TERB1: variants seen among roughly 807,000 people sequenced by gnomAD.
TERB1 encodes telomere repeats-binding bouquet formation protein 1.
A neutral mutation model predicts 92.3 loss-of-function variants in TERB1; 63 were observed. The observed-to-expected ratio is 0.68, with a 90% confidence interval of 0.56 to 0.84. TERB1 has a LOEUF of 0.84. TERB1 is among the 40% of genes least tolerant of loss of function. The pLI is 0.00. For synonymous variants in TERB1, 252 were observed against 283.9 expected, an observed-to-expected ratio of 0.89 and a Z score of 1.13; for missense variants, 709 against 843.7, an observed-to-expected ratio of 0.84 and a Z score of 1.98.
At chr16:66,756,440 TC>T (rs1192180437) in intron 18 of TERB1, among the ~76,000 whole-genome samples, 1 of 152,218 alleles carries the variant, frequency 6.6e-6, no homozygotes, top group Non-Finnish European at 1.5e-5. Context: ...CACCATTGTA[TC>T]CCCAGTGCTT....
At chr16:66,764,970 A>G (rs1253654245) in intron 16 of TERB1, among the ~76,000 whole-genome samples, 1 of 152,248 alleles carries the variant, frequency 6.6e-6, no homozygotes, top group Non-Finnish European at 1.5e-5. Context: ...TTTGAAAACC[A>G]TCAATAAAAT....
chr16:66,790,977 T>A lies in TERB1; in HGVS notation c.74A>T (p.Tyr25Phe). Residue 25 changes from tyrosine to phenylalanine, a missense_variant, in exon 4 of 19, where the codon TAT (tyrosine) becomes TTT (phenylalanine). By Grantham distance (22) the Tyr-to-Phe change is conservative. Transcript: ENST00000433154. ...TTGTGAAAAAGCATTGTCCATTTGA[T>A]ACTTTAGACACTCCAATAATAAGTT... Reference protein sequence around the residue: ...DLNLLLECLKYQMDNAFSQKE... With the variant: ...DLNLLLECLKFQMDNAFSQKE... The A allele has an allele frequency of 6.5e-7, 1 of 1,548,264 alleles. No homozygotes were observed. Among genetic ancestry groups the A allele is most frequent in the Non-Finnish European group, 8.7e-7 (1 of 1,145,210 alleles).
chr16:66,800,484 G>A (rs967026866), intron 2 of TERB1, among the ~76,000 whole-genome samples: 18 of 142,066 alleles, frequency 1.3e-4, no homozygotes, highest in African/African-American at 3.4e-4. Context: ...TCCGCCTCCC[G>A]GGTTCAAGCG....
At position 66,767,463 on chromosome 16, in the gene TERB1, A is replaced by C; in HGVS notation, c.1732T>G (p.Phe578Val). The change falls in exon 16 of 19, where the codon TTT becomes GTT. Residue 578 changes from phenylalanine to valine, a missense_variant. Phe to Val is a conservative substitution (Grantham distance 50). Transcript: ENST00000433154. ...TCGGAACAACTGGGAGTTGCTAGAA[A>C]ACTGACTACTTCTTTATTTATTATA... ...SDIINKEVVS[F>V]LATPSCSEML... The C allele has an allele frequency of 6.5e-7, 1 of 1,530,482 alleles. No individual in the cohort carries two copies. The highest frequency in any genetic ancestry group is 8.8e-7 in the Non-Finnish European group (1 of 1,139,634). The allele number at this position is 1,530,482 out of a possible 1,614,324, so 94.8% of individuals were successfully genotyped here.
At chr16:66,799,508 G>T (rs1386515420) in intron 2 of TERB1, among the ~76,000 whole-genome samples, 1 of 152,264 alleles carries the variant, frequency 6.6e-6, no homozygotes, top group Middle Eastern at 3.4e-3. Context: ...GGTTACAGGT[G>T]TGAGCCACCG....
chr16:66,770,817 T>C (rs569526541), intron 13 of TERB1, among the ~76,000 whole-genome samples: 18 of 152,138 alleles, frequency 1.2e-4, no homozygotes, highest in African/African-American at 3.4e-4. Flanking sequence ...AGAAATAATA[T>C]GTATAAAGCA....
In TERB1 at chr16:66,755,902, T is replaced by C. The variant is rs2018129797; in HGVS notation, c.1997-739A>G. 2.0e-5 allele frequency among the ~76,000 whole-genome samples: 3 copies of C among 152,208 alleles called. No homozygotes were observed. The South Asian group carries it at 6.2e-4, about 31-fold the overall frequency. ...ACTTGTTAAATATTAGGTTTGATAA[T>C]ATTTTTAAGAATAAGGGTCTTTTGA... is the stretch of plus-strand genomic sequence containing the variant. On this transcript the variant is annotated intron_variant, in intron 18 of 18. Coordinates refer to ENST00000433154, the MANE Select transcript of TERB1 (RefSeq NM_001136505.2).
chr16:66,774,310 C>T (rs1319877317), intron 12 of TERB1, among the ~76,000 whole-genome samples: 3 of 151,776 alleles, frequency 2.0e-5, no homozygotes, highest in Non-Finnish European at 2.9e-5. Context: ...CTCAGCCTCC[C>T]GAGTAGCTGG....
chr16:66,777,132 G>GA (rs71671589), intron 11 of TERB1, 71 bp downstream of exon 11: 149,663 of 1,051,236 alleles, frequency 0.14, 2 homozygotes, highest in East Asian at 0.19. Flanking sequence ...ATAACTGGAA[G>GA]AAAAAAAAAA....
At chr16:66,779,974 G>A (rs758653994) in intron 9 of TERB1, among the ~76,000 whole-genome samples, 1 of 152,082 alleles carries the variant, frequency 6.6e-6, no homozygotes, top group Non-Finnish European at 1.5e-5. Flanking sequence ...ATTCTGGGCC[G>A]GGCACCATGG....
At position 66,772,237 on chromosome 16, in the gene TERB1, C is replaced by T. The variant is rs1262584524; in HGVS notation, c.1272+352G>A. Among the ~76,000 whole-genome samples the T allele has an allele frequency of 3.9e-5, 6 of 152,016 alleles. 1 individual carries two copies. Among genetic ancestry groups the T allele is most frequent in the South Asian group, 4.2e-4 (2 of 4,812 alleles). On this transcript the variant is annotated intron_variant, in intron 13 of 18. Transcript: ENST00000433154. ...GCTCATGCCTGTAATCCCAGCATTT[C>T]GGGAGGCTAAGGCAGGGAGATCACT...
chr16:66,784,748 ATTTTTTTTTT>A (rs34949570), intron 9 of TERB1, among the ~76,000 whole-genome samples: 1 of 117,606 alleles, frequency 8.5e-6, no homozygotes, highest in African/African-American at 3.5e-5. Flanking sequence ...TTAATTTTTA[ATTTTTTTTTT>A]TTTTTTTTTT....
chr16:66,793,295 C>G (rs2018868536), intron 3 of TERB1, among the ~76,000 whole-genome samples: 1 of 145,628 alleles, frequency 6.9e-6, no homozygotes, highest in Non-Finnish European at 1.5e-5. Flanking sequence ...TCACTCACTG[C>G]AACCTCTGCC....
chr16:66,777,324 C>A lies in TERB1; in HGVS notation c.864G>T (p.Gly288=). The A allele has an allele frequency of 6.5e-7, 1 of 1,538,694 alleles. No homozygotes were observed. Among genetic ancestry groups the A allele is most frequent in the Non-Finnish European group, 8.8e-7 (1 of 1,137,168 alleles). ...CAATGTGGTACTTGGAGAGTACTAT[C>A]CCAAAAGTAGCTATTAGTATAAAAT... ...DACIADNPTF[G]IVLSKYHIVS... Residue 288 remains glycine (G), a synonymous_variant, in exon 11 of 19, where the codon GGG becomes GGT. Coordinates refer to ENST00000433154, the MANE Select transcript of TERB1 (RefSeq NM_001136505.2).
chr16:66,764,413 T>C (rs1470149299), intron 16 of TERB1, among the ~76,000 whole-genome samples: 2 of 152,138 alleles, frequency 1.3e-5, no homozygotes, highest in East Asian at 1.9e-4. Flanking sequence ...TCAGAGTAAA[T>C]GCACAGTAAA....
chr16:66,788,227 T>G lies in TERB1; in HGVS notation c.342A>C (p.Ser114=), dbSNP rs2018760622. The change falls in exon 6 of 19, where the codon TCA becomes TCC. Residue 114 remains serine (S), a synonymous_variant. Coordinates refer to ENST00000433154, the MANE Select transcript of TERB1 (RefSeq NM_001136505.2). ...CAGACATTCTTTTCAAATTTATGTT[T>G]GAATCATTAGATAAGAACCAAGTTA... is the stretch of plus-strand genomic sequence containing the variant. ...EDLTWFLSND[S]NINLKRMSVY... 1.5e-5 allele frequency: 23 copies of G among 1,513,674 alleles called. No individual in the cohort carries two copies. The highest frequency in any genetic ancestry group is 2.0e-5 in the Non-Finnish European group (23 of 1,130,192). The allele number at this position is 1,513,674 out of a possible 1,614,324, so 93.8% of individuals were successfully genotyped here.
Position 66,777,339 on chromosome 16 carries a change from T to C in TERB1, c.854-5A>G. The C allele has an allele frequency of 1.3e-6, 2 of 1,513,970 alleles. No homozygotes were observed. Among genetic ancestry groups the C allele is most frequent in the Non-Finnish European group, 1.8e-6 (2 of 1,119,878 alleles). 93.8% of individuals were successfully genotyped at this position (1,513,970 alleles called of 1,614,324 possible). A position where few individuals can be genotyped will look rare whatever the true frequency, so the allele number is the denominator to read the frequency against. ...AGAGTACTATCCCAAAAGTAGCTATTAGTATAAAATAGGAAAAAAAGATAG... is the reference window on the plus strand; with the variant it reads ...AGAGTACTATCCCAAAAGTAGCTATCAGTATAAAATAGGAAAAAAAGATAG... On this transcript the variant is annotated splice_region_variant and splice_polypyrimidine_tract_variant and intron_variant, in intron 10 of 18. Coordinates refer to ENST00000433154, the MANE Select transcript of TERB1 (RefSeq NM_001136505.2).
At chr16:66,755,916 A>G (rs971972844) in intron 18 of TERB1, among the ~76,000 whole-genome samples, 4 of 152,226 alleles carry the variant, frequency 2.6e-5, no homozygotes, top group African/African-American at 9.6e-5. Flanking sequence ...TTTAAGAATA[A>G]GGGTCTTTTG....
At chr16:66,794,919 A>AC (rs60403288) in intron 3 of TERB1, among the ~76,000 whole-genome samples, 10 of 101,462 alleles carry the variant, frequency 9.9e-5, no homozygotes, top group Admixed American at 1.8e-4. Flanking sequence ...CAAAAAAAAA[A>AC]AAAACACACA....
Sources: gnomAD v4.1 joint callset for allele counts (sites outside exome capture counted in the v4.1 genomes callset) on GRCh38, gnomAD v4.1.1 for gene constraint, MANE v1.5 for transcripts, NCBI Gene and HGNC (gene_info 2026-07-23, HGNC 2026-07-21) for gene names.